The following TMTC2 variants were observed in gnomAD, a reference collection of about 807,000 sequenced individuals.
The protein encoded by TMTC2 is protein O-mannosyl-transferase TMTC2.
A neutral mutation model predicts 82.4 loss-of-function variants in TMTC2; 43 were observed. The observed-to-expected ratio is 0.52, with a 90% CI of 0.41 to 0.67. The LOEUF is 0.67. Ranked by LOEUF, TMTC2 falls within the 30% of genes least tolerant of loss-of-function variation. TMTC2 has a pLI of 0.00. For synonymous variants in TMTC2, 408 were observed against 381.9 expected (o/e 1.07, Z -0.80); for missense variants, 919 against 1,012.4 (o/e 0.91, Z 1.25).
chr12:82,958,150 C>G (rs1019952136), intron 4 of TMTC2, among the ~76,000 whole-genome samples: 2 of 151,842 alleles, frequency 1.3e-5, no homozygotes, highest in East Asian at 1.9e-4. Context: ...ATCACTTGCC[C>G]TCAGTTGTTC....
intron 2 of TMTC2, among the ~76,000 whole-genome samples, chr12:82,890,604 A>G (rs574517137): frequency 2.6e-5 from 4 of 152,290 alleles, no homozygotes; most frequent in African/African-American, 7.2e-5. Flanking sequence ...CTTTGGCTGC[A>G]TTAGAATCAC....
intron 4 of TMTC2, among the ~76,000 whole-genome samples, chr12:82,944,027 CAGGT>C (rs1876860325): frequency 6.6e-6 from 1 of 151,996 alleles, no homozygotes; most frequent in African/African-American, 2.4e-5. Context: ...ACTAGAAAGA[CAGGT>C]AAGTAAGGTG....
At chr12:82,947,412 G>T (rs1877073315) in intron 4 of TMTC2, among the ~76,000 whole-genome samples, 1 of 148,686 alleles carries the variant, frequency 6.7e-6, no homozygotes, top group Admixed American at 6.8e-5. Context: ...GCGCGATCTC[G>T]GCTCACTGCA....
At chr12:82,955,746 C>T (rs1475759182) in intron 4 of TMTC2, among the ~76,000 whole-genome samples, 2 of 151,680 alleles carry the variant, frequency 1.3e-5, no homozygotes, top group African/African-American at 4.8e-5. Flanking sequence ...TTTCTCTTTC[C>T]CCAATTATTT....
At chr12:82,869,603 G>T (rs1387477433) in intron 2 of TMTC2, among the ~76,000 whole-genome samples, 1 of 152,086 alleles carries the variant, frequency 6.6e-6, no homozygotes, top group South Asian at 2.1e-4. Flanking sequence ...GCTTTGGGAG[G>T]CCGAGGTGGG....
At chr12:82,708,771 G>A (rs1873490806) in intron 1 of TMTC2, among the ~76,000 whole-genome samples, 1 of 152,214 alleles carries the variant, frequency 6.6e-6, no homozygotes, top group South Asian at 2.1e-4. Context: ...TTTCCCAGCT[G>A]TCTGTTGCTT....
At chr12:82,802,741 C>T (rs369706448) in intron 1 of TMTC2, among the ~76,000 whole-genome samples, 217 of 152,120 alleles carry the variant, frequency 1.4e-3, no homozygotes, top group African/African-American at 5.0e-3. Context: ...GTTGGAAAGA[C>T]AGGAAAAGAA....
chr12:82,928,908 G>C (rs942587408), intron 3 of TMTC2, among the ~76,000 whole-genome samples: 1 of 152,158 alleles, frequency 6.6e-6, no homozygotes, highest in Non-Finnish European at 1.5e-5. Flanking sequence ...TGTGTTCTCT[G>C]TAGATAACAT....
At chr12:83,005,805 C>G (rs1175424790) in intron 8 of TMTC2, among the ~76,000 whole-genome samples, 2 of 152,158 alleles carry the variant, frequency 1.3e-5, no homozygotes, top group Admixed American at 1.3e-4. Flanking sequence ...AGCAGGGAAC[C>G]CCAGGAGGGG....
chr12:82,833,796 C>T (rs1222293355), intron 1 of TMTC2, among the ~76,000 whole-genome samples: 1 of 152,132 alleles, frequency 6.6e-6, no homozygotes, highest in African/African-American at 2.4e-5. Context: ...AAACGTGAGG[C>T]AAATATAGCC....
chr12:83,068,403 A>G (rs1421029725), intron 11 of TMTC2, among the ~76,000 whole-genome samples: 1 of 152,166 alleles, frequency 6.6e-6, no homozygotes, highest in Admixed American at 6.5e-5. Context: ...TAACATATAA[A>G]GGATTATTAT....
intron 4 of TMTC2, among the ~76,000 whole-genome samples, chr12:82,952,398 C>G (rs1248931275): frequency 6.6e-6 from 1 of 152,050 alleles, no homozygotes; most frequent in African/African-American, 2.4e-5. Flanking sequence ...TCACTCAAAA[C>G]CAGACAACTC....
chr12:83,032,572 T>G (rs1301555635), intron 9 of TMTC2, among the ~76,000 whole-genome samples: 1 of 152,018 alleles, frequency 6.6e-6, no homozygotes, highest in Non-Finnish European at 1.5e-5. Context: ...TAGATGGAAT[T>G]TCACTCTTGC....
intron 8 of TMTC2, among the ~76,000 whole-genome samples, chr12:83,014,781 A>G (rs920396385): frequency 1.3e-5 from 2 of 152,090 alleles, no homozygotes; most frequent in African/African-American, 4.8e-5. Flanking sequence ...CTTCTTAAAT[A>G]TATGTTACCT....
intron 11 of TMTC2, among the ~76,000 whole-genome samples, chr12:83,125,110 G>T (rs79845688): frequency 6.6e-5 from 10 of 152,164 alleles, no homozygotes; most frequent in African/African-American, 2.2e-4. Context: ...CTGTCCTCCC[G>T]TATTCATTCA....
At chr12:83,116,298 GTA>G (rs1041967984) in intron 11 of TMTC2, among the ~76,000 whole-genome samples, 1 of 151,952 alleles carries the variant, frequency 6.6e-6, no homozygotes, top group East Asian at 1.9e-4. Flanking sequence ...GTGTGTGTGT[GTA>G]TATATATATA....
chr12:82,888,850 C>T (rs930520647), intron 2 of TMTC2, among the ~76,000 whole-genome samples: 2 of 152,068 alleles, frequency 1.3e-5, no homozygotes, highest in African/African-American at 4.8e-5. Flanking sequence ...TATTATTTTC[C>T]ATTGAACTTA....
intron 1 of TMTC2, among the ~76,000 whole-genome samples, chr12:82,810,983 A>T (rs919731596): frequency 1.3e-5 from 2 of 152,088 alleles, no homozygotes; most frequent in Non-Finnish European, 1.5e-5. Flanking sequence ...TAATCCTAGC[A>T]CTTTGGGAGG....
At chr12:83,032,488 G>A (rs66759950) in intron 9 of TMTC2, among the ~76,000 whole-genome samples, 27,942 of 150,916 alleles carry the variant, frequency 0.19, 2,639 homozygotes, top group Middle Eastern at 0.25. Context: ...TGATAGTAGC[G>A]GGTATTTCTC....
Sources: allele counts gnomAD v4.1 joint callset (sites outside exome capture counted in the v4.1 genomes callset), GRCh38; gene constraint gnomAD v4.1.1; transcripts MANE v1.5; gene names NCBI Gene and HGNC (gene_info 2026-07-23, HGNC 2026-07-21).